IL34: variants seen among roughly 807,000 people sequenced by gnomAD.
IL34 encodes the protein interleukin-34.
IL34 carries 17 observed loss-of-function variants against 25.3 expected under a neutral mutation model. That is an observed-to-expected ratio of 0.67 (90% CI 0.46 to 1.01). The LOEUF is 1.01. Among genes scored for constraint, IL34 ranks in the 50% least tolerant of loss-of-function variants. The pLI, the probability that IL34 is intolerant of heterozygous loss-of-function variation, is 0.00. For synonymous variants in IL34, 174 were observed against 140.9 expected, an observed-to-expected ratio of 1.23 and a Z score of -1.66; for missense variants, 368 against 312.9, an observed-to-expected ratio of 1.18 and a Z score of -1.33.
At position 70,646,922 on chromosome 16, in the gene IL34, C is replaced by T. The variant is rs368387403; in HGVS notation, c.-26C>T. On this transcript the variant is annotated 5_prime_UTR_variant, in exon 1 of 6. Coordinates refer to ENST00000288098, the MANE Select transcript of IL34 (RefSeq NM_001393494.1). ...CACACTGCTGGGGACGGCGCCTGAGCTCTCAGGGGGACGAGGAACACCACC... is the reference window on the plus strand; with the variant it reads ...CACACTGCTGGGGACGGCGCCTGAGTTCTCAGGGGGACGAGGAACACCACC... The T allele has an allele frequency of 3.9e-5, 57 of 1,480,506 alleles. 1 individual carries two copies. Among genetic ancestry groups the T allele is most frequent in the Non-Finnish European group, 5.0e-5 (56 of 1,120,460 alleles). 91.7% of individuals were successfully genotyped at this position (1,480,506 alleles called of 1,614,324 possible).
intron 1 of IL34, among the ~76,000 whole-genome samples, chr16:70,590,460 G>T (rs74026084): frequency 0.03 from 4,511 of 152,260 alleles, 228 homozygotes; most frequent in African/African-American, 0.1. Flanking sequence ...CCGACGCTGT[G>T]CACCTCTCTG....
intron 1 of IL34, among the ~76,000 whole-genome samples, chr16:70,584,277 T>G (rs112160472): frequency 2.6e-5 from 4 of 152,302 alleles, no homozygotes; most frequent in African/African-American, 7.2e-5. Context: ...GGGCTGCAAC[T>G]GGCCTGGGAA....
At chr16:70,621,333 A>C (rs1459897856) in intron 1 of IL34, among the ~76,000 whole-genome samples, 7 of 152,166 alleles carry the variant, frequency 4.6e-5, no homozygotes, top group African/African-American at 1.7e-4. Flanking sequence ...CGGATAAAAC[A>C]TGTCTCCTTC....
intron 1 of IL34, among the ~76,000 whole-genome samples, chr16:70,634,141 G>A (rs935362793): frequency 3.3e-5 from 5 of 151,936 alleles, no homozygotes; most frequent in African/African-American, 1.2e-4. Context: ...GTGAGCCACC[G>A]TGCCCTGCAA....
At chr16:70,606,747 C>T (rs983971832) in intron 1 of IL34, among the ~76,000 whole-genome samples, 3 of 152,044 alleles carry the variant, frequency 2.0e-5, no homozygotes, top group Non-Finnish European at 4.4e-5. Context: ...GCCACCATGC[C>T]GGGCTAATTT....
At chr16:70,588,622 C>A (rs2050719734) in intron 1 of IL34, among the ~76,000 whole-genome samples, 1 of 152,152 alleles carries the variant, frequency 6.6e-6, no homozygotes, top group South Asian at 2.1e-4. Flanking sequence ...ATAGCAGCAT[C>A]AATCGTAGCT....
At chr16:70,605,969 G>GTTTTTT (rs77101515) in intron 1 of IL34, among the ~76,000 whole-genome samples, 2 of 123,224 alleles carry the variant, frequency 1.6e-5, no homozygotes, top group Non-Finnish European at 3.3e-5. Flanking sequence ...ACCGCACCTG[G>GTTTTTT]TTTTTTTTTT....
intron 1 of IL34, among the ~76,000 whole-genome samples, chr16:70,592,447 C>G (rs2151809244): frequency 6.6e-6 from 1 of 152,254 alleles, no homozygotes; most frequent in Admixed American, 6.5e-5. Flanking sequence ...TTCTGGGACC[C>G]TTAACCCAAC....
intron 1 of IL34, among the ~76,000 whole-genome samples, chr16:70,580,657 T>C (rs2050626738): frequency 6.6e-6 from 1 of 151,692 alleles, no homozygotes; most frequent in Non-Finnish European, 1.5e-5. Context: ...GGTACATGCC[T>C]GTAATCCCAG....
At chr16:70,646,217 G>A (rs980617094), upstream of IL34, among the ~76,000 whole-genome samples, 5 of 152,168 alleles carry the variant, frequency 3.3e-5, no homozygotes, top group African/African-American at 4.8e-5. Flanking sequence ...GCTTGTTTTC[G>A]GAGTGGGAGC....
chr16:70,622,483 G>T (rs577075474), intron 1 of IL34, among the ~76,000 whole-genome samples: 1 of 151,796 alleles, frequency 6.6e-6, no homozygotes, highest in East Asian at 1.9e-4. Flanking sequence ...GCGGGCTAGT[G>T]GCTTGTACTA....
intron 1 of IL34, among the ~76,000 whole-genome samples, chr16:70,608,144 T>C (rs2151824525): frequency 7.2e-6 from 1 of 138,574 alleles, no homozygotes. Flanking sequence ...TTTTTTTTTT[T>C]TTGAGATAGA....
intron 1 of IL34, among the ~76,000 whole-genome samples, chr16:70,626,479 C>T (rs2051396347): frequency 6.6e-6 from 1 of 152,306 alleles, no homozygotes; most frequent in South Asian, 2.1e-4. Context: ...TCACTGCAAC[C>T]TCTGCCTCCC....
chr16:70,642,108 C>G (rs183360910), upstream of IL34, among the ~76,000 whole-genome samples: 14 of 152,246 alleles, frequency 9.2e-5, no homozygotes, highest in African/African-American at 2.6e-4. Context: ...TCACCATTCT[C>G]TGGGCTGGAA....
chr16:70,583,349 G>T (rs1597731714), intron 1 of IL34, among the ~76,000 whole-genome samples: 1 of 152,032 alleles, frequency 6.6e-6, no homozygotes, highest in Non-Finnish European at 1.5e-5. Flanking sequence ...AGATTCACCT[G>T]CCTCAGCCTT....
intron 1 of IL34, among the ~76,000 whole-genome samples, chr16:70,629,021 C>G (rs187406301): frequency 1.4e-4 from 22 of 152,250 alleles, no homozygotes; most frequent in Admixed American, 9.2e-4. Flanking sequence ...AACTCCTGGC[C>G]TCAAGTGATC....
chr16:70,639,484 C>G (rs537429220), intron 1 of IL34, among the ~76,000 whole-genome samples: 1 of 152,306 alleles, frequency 6.6e-6, no homozygotes, highest in East Asian at 1.9e-4. Context: ...TAGAATATCA[C>G]AATTAGCAGC....
At chr16:70,633,165 A>T (rs2051557923) in intron 1 of IL34, among the ~76,000 whole-genome samples, 1 of 150,928 alleles carries the variant, frequency 6.6e-6, no homozygotes, top group African/African-American at 2.4e-5. Context: ...GGGTTTCGCC[A>T]TGTTGCCCAG....
At chr16:70,623,772 G>C (rs1054113312) in intron 1 of IL34, among the ~76,000 whole-genome samples, 1 of 151,354 alleles carries the variant, frequency 6.6e-6, no homozygotes, top group Non-Finnish European at 1.5e-5. Context: ...GGCCTAATAA[G>C]GGAACTGGGC....
Sources: gnomAD v4.1 joint callset for allele counts (sites outside exome capture counted in the v4.1 genomes callset) on GRCh38, gnomAD v4.1.1 for gene constraint, MANE v1.5 for transcripts, NCBI Gene and HGNC (gene_info 2026-07-23, HGNC 2026-07-21) for gene names.